ABCA12: variants seen among roughly 807,000 people sequenced by gnomAD.
The protein encoded by ABCA12 is glucosylceramide transporter ABCA12.
Under a neutral mutation model 293.5 loss-of-function variants are expected in ABCA12, and 156 were observed. The observed-to-expected ratio is 0.53, with a 90% CI of 0.47 to 0.61. The LOEUF is 0.61. Ranked by LOEUF, ABCA12 falls within the 20% of genes least tolerant of loss-of-function variation. The pLI, the probability that ABCA12 is intolerant of heterozygous loss-of-function variation, is 0.00. For missense variants in ABCA12, 2,797 were observed against 3,090.2 expected (o/e 0.91, Z 2.25); for synonymous variants, 1,063 against 1,108.0 (o/e 0.96, Z 0.81).
intron 3 of ABCA12, 72 bp from the exon 4 acceptor site, chr2:215,054,736 C>A (rs1701387426): frequency 8.5e-7 from 1 of 1,175,428 alleles, no homozygotes; most frequent in East Asian, 2.4e-5. Context: ...TATTATGTGG[C>A]AGATTCCAGG....
At chr2:215,102,295 A>C (rs1702375256) in intron 2 of ABCA12, among the ~76,000 whole-genome samples, 1 of 152,196 alleles carries the variant, frequency 6.6e-6, no homozygotes. Context: ...GTGGCTTCTC[A>C]TCACCTTTAA....
At chr2:215,016,581 TCAAAAAAAA>T (rs1420875746) in intron 14 of ABCA12, among the ~76,000 whole-genome samples, 1 of 2,392 alleles carries the variant, frequency 4.2e-4, no homozygotes, top group Middle Eastern at 0.17. Flanking sequence ...TGACTCTGTC[TCAAAAAAAA>T]AAAAAAAAAA....
chr2:214,962,187 T>A (rs905077822), intron 39 of ABCA12: 1 of 152,188 alleles, frequency 6.6e-6, no homozygotes, highest in African/African-American at 2.4e-5. Flanking sequence ...GTATATTTTT[T>A]AAAAGTCTGT....
At chr2:215,080,057 G>A (rs1363754508) in intron 2 of ABCA12, among the ~76,000 whole-genome samples, 2 of 152,066 alleles carry the variant, frequency 1.3e-5, no homozygotes, top group Non-Finnish European at 2.9e-5. Flanking sequence ...GGTAATTAGA[G>A]GAATCCCACA....
chr2:215,092,954 T>C (rs1473868688), intron 2 of ABCA12, among the ~76,000 whole-genome samples: 2 of 152,208 alleles, frequency 1.3e-5, no homozygotes, highest in Admixed American at 6.5e-5. Context: ...GCCACAAGGC[T>C]TCAGGGACAG....
chr2:215,084,351 C>A (rs199530434), intron 2 of ABCA12, among the ~76,000 whole-genome samples: 3 of 146,402 alleles, frequency 2.0e-5, no homozygotes, highest in Non-Finnish European at 4.5e-5. Context: ...ACCACCCCCC[C>A]ACCAAAAAAG....
intron 2 of ABCA12, among the ~76,000 whole-genome samples, chr2:215,102,882 C>T (rs912741295): frequency 4.6e-5 from 7 of 152,106 alleles, no homozygotes; most frequent in Admixed American, 6.5e-5. Flanking sequence ...TTGGTAACCC[C>T]GATCCTGTTT....
chr2:214,978,414 T>A lies in ABCA12; in HGVS notation c.5030A>T (p.Glu1677Val). The A allele has an allele frequency of 6.2e-7, 1 of 1,613,868 alleles. No individual in the cohort carries two copies. Among genetic ancestry groups the A allele is most frequent in the South Asian group, 1.1e-5 (1 of 91,062 alleles). The change falls in exon 33 of 53, where the codon GAG (glutamate) becomes GTG (valine). Residue 1677 changes from glutamate to valine, a missense_variant. By Grantham distance (121) the Glu-to-Val change is moderately radical (BLOSUM62 -2). This residue lies in a region of ABCA12 where 2,130 missense variants were observed against 2,427.0 expected (regional missense o/e 0.88). Coordinates refer to ENST00000272895, the MANE Select transcript of ABCA12 (RefSeq NM_173076.3). ...ESQKNSAMSL[E>V]HLTQKKIGNS... The stretch of plus-strand genomic sequence containing the variant: ...CCCAATTTTCTTTTGTGTTAAGTGC[T>A]CAAGACTCATAGCACTATTTTTTTG...
At chr2:215,132,819 T>TA (rs1265836829) in intron 1 of ABCA12, among the ~76,000 whole-genome samples, 1 of 152,130 alleles carries the variant, frequency 6.6e-6, no homozygotes, top group Non-Finnish European at 1.5e-5. Context: ...GTGCAGTTGC[T>TA]TTACAAGATC....
Position 214,956,744 on chromosome 2 carries a change from C to T in ABCA12, c.6152G>A (p.Gly2051Asp), listed in dbSNP as rs1178721123. Reference protein sequence around the residue: ...FYLVPVAFSIGIIAIFKLPAF... With the variant: ...FYLVPVAFSIDIIAIFKLPAF... ...AGGTAATTTGAAAATCGCAATGATACCAATTGAAAACGCTACAGGCACCAA... is the reference window on the plus strand; with the variant it reads ...AGGTAATTTGAAAATCGCAATGATATCAATTGAAAACGCTACAGGCACCAA... Residue 2051 changes from glycine to aspartate, a missense_variant, in exon 42 of 53, where the codon GGT (glycine) becomes GAT (aspartate). Transcript: ENST00000272895. The T allele has an allele frequency of 2.5e-6, 4 of 1,613,050 alleles. No homozygotes were observed. Among genetic ancestry groups the T allele is most frequent in the East Asian group, 2.2e-5 (1 of 44,806 alleles).
At chr2:215,130,238 T>G (rs1703024999) in intron 1 of ABCA12, among the ~76,000 whole-genome samples, 1 of 141,718 alleles carries the variant, frequency 7.1e-6, no homozygotes, top group African/African-American at 3.0e-5. Context: ...ACTTTAGGAT[T>G]TTTTTTTTTA....
At chr2:215,086,727 C>T (rs1201312953) in intron 2 of ABCA12, among the ~76,000 whole-genome samples, 1 of 152,034 alleles carries the variant, frequency 6.6e-6, no homozygotes, top group Non-Finnish European at 1.5e-5. Context: ...ATCAGAGTGC[C>T]TACAGGGACA....
intron 31 of ABCA12, among the ~76,000 whole-genome samples, chr2:214,979,897 T>G (rs1682790867): frequency 6.6e-6 from 1 of 152,196 alleles, no homozygotes; most frequent in Non-Finnish European, 1.5e-5. Context: ...TTGCACAGTA[T>G]TTTTAAATCA....
chr2:215,047,082 TA>T (rs1445074074), intron 6 of ABCA12, among the ~76,000 whole-genome samples: 4 of 152,116 alleles, frequency 2.6e-5, no homozygotes, highest in Admixed American at 6.6e-5. Flanking sequence ...CAGAGCTGGA[TA>T]GGGGGAGGGA....
intron 7 of ABCA12, 69 bp from the exon 8 acceptor site, chr2:215,037,134 C>A: frequency 1.6e-6 from 2 of 1,261,296 alleles, no homozygotes; most frequent in South Asian, 1.2e-5. Context: ...AAAGATTATT[C>A]AAGGAGAAAA....
chr2:215,115,289 T>C (rs1033233290), intron 1 of ABCA12, among the ~76,000 whole-genome samples: 5 of 152,152 alleles, frequency 3.3e-5, no homozygotes, highest in African/African-American at 9.7e-5. Context: ...AATATTAAGG[T>C]TGACAGGTTA....
intron 44 of ABCA12, among the ~76,000 whole-genome samples, chr2:214,952,778 C>A (rs2105929953): frequency 1.3e-5 from 2 of 152,336 alleles, no homozygotes; most frequent in East Asian, 3.9e-4. Flanking sequence ...ATTCCATAAT[C>A]TCCCAACCAC....
chr2:214,951,767 GT>G (rs370461682), intron 44 of ABCA12, among the ~76,000 whole-genome samples: 8 of 152,022 alleles, frequency 5.3e-5, no homozygotes, highest in African/African-American at 1.4e-4. Context: ...AAAAAAGAAT[GT>G]TTTTTTCAAT....
intron 31 of ABCA12, 69 bp downstream of exon 31, chr2:214,980,414 C>T (rs1699620031): frequency 6.3e-7 from 1 of 1,590,654 alleles, no homozygotes; most frequent in African/African-American, 1.3e-5. Flanking sequence ...GTTGGAGAGA[C>T]TCTGCTCCTA....
Sources: gnomAD v4.1 joint callset for allele counts (sites outside exome capture counted in the v4.1 genomes callset) on GRCh38, gnomAD v4.1.1 for gene constraint, gnomAD v4.1.1 regional missense constraint, MANE v1.5 for transcripts, NCBI Gene and HGNC (gene_info 2026-07-23, HGNC 2026-07-21) for gene names.